SMCHD1: variants seen among roughly 807,000 people sequenced by gnomAD.
SMCHD1 encodes the protein structural maintenance of chromosomes flexible hinge domain containing 1, also known as structural maintenance of chromosomes flexible hinge domain-containing protein 1.
In SMCHD1, 78 loss-of-function variants were observed where a neutral mutation model predicts 254.7. The observed-to-expected ratio is 0.31, with a 90% CI of 0.26 to 0.37. The LOEUF (loss-of-function observed/expected upper bound fraction) is 0.37, where lower values mean the gene tolerates loss of function less well. SMCHD1 is among the 10% of genes least tolerant of loss of function. SMCHD1 has a pLI of 1.00. For missense variants in SMCHD1, 1,840 were observed against 2,408.1 expected, an observed-to-expected ratio of 0.76 and a Z score of 4.94; for synonymous variants, 766 against 794.9, an observed-to-expected ratio of 0.96 and a Z score of 0.61.
chr18:2,795,861 A>G, intron 45 of SMCHD1, 88 bp from the exon 46 acceptor site: 1 of 1,124,818 alleles, frequency 8.9e-7, no homozygotes, highest in Non-Finnish European at 1.2e-6. Flanking sequence ...ACCATAACAC[A>G]AATTCCAGTG....
chr18:2,673,597 C>G (rs1405702164), intron 4 of SMCHD1, among the ~76,000 whole-genome samples: 2 of 151,952 alleles, frequency 1.3e-5, no homozygotes, highest in African/African-American at 2.4e-5. Flanking sequence ...ACATTGTTAA[C>G]ATGTGTCATA....
chr18:2,786,647 G>C (rs2076245300), intron 45 of SMCHD1, among the ~76,000 whole-genome samples: 1 of 152,106 alleles, frequency 6.6e-6, no homozygotes, highest in Non-Finnish European at 1.5e-5. Context: ...AGCCGAGATT[G>C]TGCCATTGCA....
intron 5 of SMCHD1, among the ~76,000 whole-genome samples, chr18:2,679,322 A>G (rs2143883395): frequency 6.7e-6 from 1 of 149,918 alleles, no homozygotes; most frequent in African/African-American, 2.4e-5. Flanking sequence ...CTAAAAGTAC[A>G]AAAATTAGCA....
intron 27 of SMCHD1, among the ~76,000 whole-genome samples, chr18:2,740,090 G>A (rs951558274): frequency 6.6e-6 from 1 of 151,326 alleles, no homozygotes; most frequent in Non-Finnish European, 1.5e-5. Flanking sequence ...CCCTAGCCCC[G>A]ACTCCCCGAC....
rs766350524 is a variant in SMCHD1, at chr18:2,762,281, A to C, written c.4566+45A>C. 4.4e-6 allele frequency: 7 copies of C among 1,587,740 alleles called. No individual in the cohort carries two copies. The South Asian group carries it at 7.8e-5, about 18-fold the overall frequency. ...AAAACTGCGAAGGGTAACAAGAAAA[A>C]TTATCTTTGATTTTAGGGTACAAAA... On this transcript the variant is annotated intron_variant, in intron 36 of 47. Transcript: ENST00000320876.
chr18:2,784,757 G>A (rs933630218), intron 45 of SMCHD1, 136 bp downstream of exon 45: 11 of 1,001,604 alleles, frequency 1.1e-5, no homozygotes, highest in African/African-American at 4.9e-5. Context: ...AGATGTTTTT[G>A]TCTACTACTT....
chr18:2,759,277 T>C (rs1253863969), intron 34 of SMCHD1, among the ~76,000 whole-genome samples: 1 of 152,174 alleles, frequency 6.6e-6, no homozygotes, highest in African/African-American at 2.4e-5. Context: ...ACCCATCTAT[T>C]ACCACTTCAG....
At chr18:2,736,072 T>C (rs1411352312) in intron 25 of SMCHD1, among the ~76,000 whole-genome samples, 1 of 151,918 alleles carries the variant, frequency 6.6e-6, no homozygotes, top group Non-Finnish European at 1.5e-5. Context: ...CATAGACCAG[T>C]GGAGGAGGTT....
chr18:2,725,302 G>GTT (rs200299311), intron 21 of SMCHD1, among the ~76,000 whole-genome samples: 12 of 141,662 alleles, frequency 8.5e-5, no homozygotes, highest in African/African-American at 1.3e-4. Flanking sequence ...GGACTCTGCT[G>GTT]TTTTTTTTTT....
intron 1 of SMCHD1, among the ~76,000 whole-genome samples, chr18:2,657,999 C>T (rs962002624): frequency 2.6e-5 from 4 of 151,660 alleles, no homozygotes; most frequent in Non-Finnish European, 1.5e-5. Context: ...GGCTGTGTTG[C>T]CCAGGCTAGT....
At chr18:2,710,344 G>GT (rs933474668) in intron 17 of SMCHD1, among the ~76,000 whole-genome samples, 6 of 152,174 alleles carry the variant, frequency 3.9e-5, no homozygotes, top group African/African-American at 1.2e-4. Flanking sequence ...CTTTATTCTT[G>GT]TTTTTTAAGA....
chr18:2,698,798 T>C (rs1010213650), intron 10 of SMCHD1, among the ~76,000 whole-genome samples: 4 of 152,208 alleles, frequency 2.6e-5, no homozygotes, highest in Non-Finnish European at 4.4e-5. Context: ...ACTTGTATAA[T>C]ACAAAGTTCC....
chr18:2,697,750 T>A, intron 9 of SMCHD1, 81 bp from the exon 10 acceptor site: 1 of 865,576 alleles, frequency 1.2e-6, no homozygotes, highest in South Asian at 1.6e-5. Flanking sequence ...AATTTTTACT[T>A]ATTCTGTTGT....
At position 2,777,711 on chromosome 18, in the gene SMCHD1, A is replaced by G. The variant is rs934139058; in HGVS notation, c.5367-95A>G. ...ATTGGGAATTGATTGTATGATCAAA[A>G]TGATGTGCAATATATTCATGTTTTC... On this transcript the variant is annotated intron_variant, in intron 42 of 47. Transcript: ENST00000320876. 9 of 622,934 alleles carry G rather than the reference A, an allele frequency of 1.4e-5. No individual in the cohort carries two copies. In the African/African-American group the frequency reaches 1.7e-4, roughly 11 times the overall value. The allele number at this position is 622,934 out of a possible 1,614,324, so 38.6% of individuals were successfully genotyped here. A position where few individuals can be genotyped will look rare whatever the true frequency, so the allele number is the denominator to read the frequency against.
chr18:2,664,512 G>A (rs1598280885), intron 1 of SMCHD1, among the ~76,000 whole-genome samples: 1 of 152,030 alleles, frequency 6.6e-6, no homozygotes, highest in African/African-American at 2.4e-5. Flanking sequence ...CTCTTTTTTG[G>A]TGTTACTTAA....
intron 1 of SMCHD1, among the ~76,000 whole-genome samples, chr18:2,663,021 T>A (rs1295953050): frequency 2.0e-5 from 3 of 152,214 alleles, no homozygotes; most frequent in Admixed American, 6.5e-5. Context: ...GCCTACCTGA[T>A]GAGAATAAGT....
chr18:2,777,068 C>CT (rs375039370), intron 42 of SMCHD1, among the ~76,000 whole-genome samples: 1 of 148,282 alleles, frequency 6.7e-6, no homozygotes, highest in Non-Finnish European at 1.5e-5. Context: ...CACCTCCCCC[C>CT]CCCATACCCT....
At position 2,763,766 on chromosome 18, in the gene SMCHD1, G is replaced by C; in HGVS notation, c.4696G>C (p.Val1566Leu). The C allele has an allele frequency of 6.2e-7, 1 of 1,608,394 alleles. No individual in the cohort carries two copies. The highest frequency in any genetic ancestry group is 8.5e-7 in the Non-Finnish European group (1 of 1,177,878). ...GKVRTLEFPF[V>L]NGSAEIMSLV... The stretch of plus-strand genomic sequence containing the variant: ...AGTTAGAACACTTGAATTCCCCTTC[G>C]TGAATGGTTCGGCTGAAATCATGGT... Residue 1566 changes from valine to leucine, a missense_variant, in exon 37 of 48, where the codon GTG (valine) becomes CTG (leucine). By Grantham distance (32) the Val-to-Leu change is conservative. This residue lies in a region of SMCHD1 where 881 missense variants were observed against 1,009.5 expected (regional missense o/e 0.87). Coordinates refer to ENST00000320876, the MANE Select transcript of SMCHD1 (RefSeq NM_015295.3).
At chr18:2,663,775 C>T (rs545842621) in intron 1 of SMCHD1, among the ~76,000 whole-genome samples, 6 of 151,582 alleles carry the variant, frequency 4.0e-5, no homozygotes, top group African/African-American at 1.5e-4. Flanking sequence ...AGTGCAGTGG[C>T]GCGATCTCAC....
Sources: gnomAD v4.1 joint callset for allele counts (sites outside exome capture counted in the v4.1 genomes callset) on GRCh38, gnomAD v4.1.1 for gene constraint, gnomAD v4.1.1 regional missense constraint, MANE v1.5 for transcripts, NCBI Gene and HGNC (gene_info 2026-07-23, HGNC 2026-07-21) for gene names.